The following OR7C1 variants were observed in gnomAD, a reference collection of about 807,000 sequenced individuals.
OR7C1 encodes olfactory receptor 7C1.
For missense variants in OR7C1, 324 were observed against 383.3 expected, an observed-to-expected ratio of 0.85 and a Z score of 1.29; for synonymous variants, 152 against 160.7, an observed-to-expected ratio of 0.95 and a Z score of 0.41.
intron 1 of OR7C1, among the ~76,000 whole-genome samples, chr19:14,813,039 C>T (rs1192813081): frequency 2.7e-5 from 4 of 147,100 alleles, no homozygotes; most frequent in Non-Finnish European, 5.9e-5. Context: ...CACTCCAGCA[C>T]TCCAGCTTGG....
intron 1 of OR7C1, chr19:14,827,912 A>G: frequency 6.2e-7 from 1 of 1,614,220 alleles, no homozygotes; most frequent in Non-Finnish European, 8.5e-7. Flanking sequence ...GGAAGTTTTC[A>G]AATCCAGCAA....
At position 14,813,148 on chromosome 19, in the gene OR7C1, A is replaced by G. The variant is rs60058888; in HGVS notation, c.-622-3155T>C. Among the ~76,000 whole-genome samples, 303 of 152,180 alleles carry G rather than the reference A, an allele frequency of 2.0e-3. 1 individual carries two copies. Among genetic ancestry groups the G allele is most frequent in the African/African-American group, 6.8e-3 (281 of 41,520 alleles). On this transcript the variant is annotated intron_variant, in intron 1 of 4. Transcript: ENST00000641666. ...AGAAAGGAAATCTTCAAACCAATAT[A>G]CCATATGAACACAGATGCAGAAATT...
chr19:14,805,505 T>C (rs949829984), intron 2 of OR7C1, among the ~76,000 whole-genome samples: 1 of 140,486 alleles, frequency 7.1e-6, no homozygotes, highest in Non-Finnish European at 1.5e-5. Context: ...AACCTCCGCC[T>C]ACTGGGTTCA....
chr19:14,799,352 G>C, exon 5 of OR7C1: 1 of 1,614,188 alleles, frequency 6.2e-7, no homozygotes, highest in Non-Finnish European at 8.5e-7. Flanking sequence ...TGTGGCTGCA[G>C]AACTGAGATA....
intron 1 of OR7C1, chr19:14,827,740 A>T (rs2044785322): frequency 6.2e-7 from 1 of 1,614,048 alleles, no homozygotes; most frequent in Admixed American, 1.7e-5. Context: ...GCTGTGCAGA[A>T]GGACAGCCGT....
chr19:14,829,491 C>T (rs1277822799), intron 1 of OR7C1, among the ~76,000 whole-genome samples: 1 of 152,228 alleles, frequency 6.6e-6, no homozygotes, highest in Non-Finnish European at 1.5e-5. Context: ...GCATGAGCCA[C>T]TGCACCTGGT....
intron 1 of OR7C1, among the ~76,000 whole-genome samples, chr19:14,819,644 C>T (rs1479414723): frequency 6.6e-6 from 1 of 152,168 alleles, no homozygotes; most frequent in Non-Finnish European, 1.5e-5. Context: ...TATCTTTTGC[C>T]ACTATGTGGA....
chr19:14,825,533 T>C (rs749139249), intron 1 of OR7C1: 3 of 152,212 alleles, frequency 2.0e-5, no homozygotes, highest in Non-Finnish European at 4.4e-5. Context: ...GAATTGAGTG[T>C]CCCTCAAGGG....
chr19:14,799,008 C>A, exon 5 of OR7C1: 1 of 753,284 alleles, frequency 1.3e-6, no homozygotes, highest in East Asian at 3.0e-5. Context: ...GGAAACCTTG[C>A]CAAGGACTCT....
intron 2 of OR7C1, among the ~76,000 whole-genome samples, chr19:14,801,347 A>G (rs1473415092): frequency 1.3e-5 from 2 of 152,188 alleles, no homozygotes; most frequent in African/African-American, 2.4e-5. Context: ...AACATCTGAC[A>G]TGTTTACAAT....
intron 1 of OR7C1, chr19:14,827,657 A>G (rs754541895): frequency 6.2e-7 from 1 of 1,614,238 alleles, no homozygotes; most frequent in South Asian, 1.1e-5. Flanking sequence ...TCACCATGTG[A>G]TTAAGAAAGC....
intron 1 of OR7C1, chr19:14,828,189 G>C: frequency 6.2e-7 from 1 of 1,613,486 alleles, no homozygotes; most frequent in Non-Finnish European, 8.5e-7. Flanking sequence ...AGGTTCTTGT[G>C]AAAATCCCAG....
At chr19:14,817,939 A>G (rs561574142) in intron 1 of OR7C1, among the ~76,000 whole-genome samples, 1 of 152,294 alleles carries the variant, frequency 6.6e-6, no homozygotes, top group Admixed American at 6.5e-5. Flanking sequence ...GAGGGCTTTT[A>G]AAATATTTTT....
chr19:14,825,056 T>C (rs2044758811), intron 1 of OR7C1: 1 of 152,134 alleles, frequency 6.6e-6, no homozygotes, highest in Non-Finnish European at 1.5e-5. Context: ...GAGCAAGATG[T>C]CATCTCTACT....
Position 14,799,701 on chromosome 19 carries a change from G to C in OR7C1, c.436C>G (p.Leu146Val), listed in dbSNP as rs756386103. ...ATGACACTGATGCACCAGGACCCCA[G>C]AACCAGCAGTCCACAGAGCTGGGGG... The change falls in exon 5 of 5, where the codon CTG becomes GTG. Residue 146 changes from leucine (L) to valine (V), a missense_variant. By Grantham distance (32) the Leu-to-Val change is conservative. Transcript: ENST00000641666. 3 of 1,614,102 alleles carry C rather than the reference G, an allele frequency of 1.9e-6. No homozygotes were observed. In the Admixed American group the frequency reaches 5.0e-5, roughly 27 times the overall value.
intron 1 of OR7C1, among the ~76,000 whole-genome samples, chr19:14,814,197 A>C (rs1436621967): frequency 6.8e-6 from 1 of 147,782 alleles, no homozygotes; most frequent in Non-Finnish European, 1.5e-5. Flanking sequence ...CAAACTAAAA[A>C]CTTCTGAATG....
At chr19:14,817,763 A>T (rs1395753070) in intron 1 of OR7C1, among the ~76,000 whole-genome samples, 1 of 152,158 alleles carries the variant, frequency 6.6e-6, no homozygotes, top group African/African-American at 2.4e-5. Context: ...CAATGCAGAG[A>T]CCACTGCTGA....
rs1189583299 is a variant in OR7C1, at chr19:14,823,846, T to C, written c.-623+11228A>G. ...GAGGGTCTAATTTCATTCTTCTGCA[T>C]ATGGATATCCAGTTTTCCCAGCACC... On this transcript the variant is annotated intron_variant, in intron 1 of 4. Coordinates refer to ENST00000641666, the Ensembl canonical transcript of OR7C1. 2.0e-5 allele frequency among the ~76,000 whole-genome samples: 3 copies of C among 152,288 alleles called. No homozygotes were observed. In the East Asian group the frequency reaches 5.8e-4, roughly 29 times the overall value.
At chr19:14,831,245 G>A (rs2044829280) in intron 1 of OR7C1, among the ~76,000 whole-genome samples, 1 of 152,096 alleles carries the variant, frequency 6.6e-6, no homozygotes, top group Non-Finnish European at 1.5e-5. Flanking sequence ...AAGAGAATAA[G>A]CCAACAATTC....
Sources: allele counts gnomAD v4.1 joint callset (sites outside exome capture counted in the v4.1 genomes callset), GRCh38; gene constraint gnomAD v4.1.1; transcripts MANE v1.5; gene names NCBI Gene and HGNC (gene_info 2026-07-23, HGNC 2026-07-21).